LDLRAD4: variants seen among roughly 807,000 people sequenced by gnomAD.
The protein encoded by LDLRAD4 is low-density lipoprotein receptor class A domain-containing protein 4.
In LDLRAD4, 5 loss-of-function variants were observed where a neutral mutation model predicts 17.0. The ratio of observed to expected loss-of-function variants is 0.29; its 90% CI spans 0.15 to 0.62. The LOEUF is 0.62. LDLRAD4 is among the 20% of genes least tolerant of loss of function. The pLI is 0.84. For synonymous variants in LDLRAD4, 168 were observed against 171.8 expected, an observed-to-expected ratio of 0.98 and a Z score of 0.17; for missense variants, 340 against 424.7, an observed-to-expected ratio of 0.80 and a Z score of 1.75.
At chr18:13,559,530 ATATG>A (rs1430078621) in intron 3 of LDLRAD4, among the ~76,000 whole-genome samples, 1 of 152,246 alleles carries the variant, frequency 6.6e-6, no homozygotes, top group African/African-American at 2.4e-5. Context: ...TGTATCATAT[ATATG>A]TGTATGTATG....
At chr18:13,352,216 C>A (rs1313759628) in intron 1 of LDLRAD4, among the ~76,000 whole-genome samples, 1 of 152,186 alleles carries the variant, frequency 6.6e-6, no homozygotes, top group Non-Finnish European at 1.5e-5. Context: ...GACAAGGATA[C>A]CCTTTCTCAC....
At chr18:13,408,056 C>T (rs1421818430) in intron 2 of LDLRAD4, among the ~76,000 whole-genome samples, 6 of 152,148 alleles carry the variant, frequency 3.9e-5, no homozygotes, top group Admixed American at 2.6e-4. Context: ...GTTACAATTA[C>T]TGTCACCTTA....
At chr18:13,341,540 G>A (rs890928365) in intron 1 of LDLRAD4, among the ~76,000 whole-genome samples, 1 of 152,032 alleles carries the variant, frequency 6.6e-6, no homozygotes, top group Non-Finnish European at 1.5e-5. Flanking sequence ...CATTGTTAGT[G>A]TATGATAATG....
intron 2 of LDLRAD4, among the ~76,000 whole-genome samples, chr18:13,436,067 T>C (rs2090634051): frequency 6.6e-6 from 1 of 152,228 alleles, no homozygotes; most frequent in Non-Finnish European, 1.5e-5. Context: ...ATTCAACAAA[T>C]GTGTGATTCA....
chr18:13,530,062 GA>G (rs981069837), intron 3 of LDLRAD4, among the ~76,000 whole-genome samples: 6 of 151,580 alleles, frequency 4.0e-5, no homozygotes, highest in South Asian at 2.1e-4. Context: ...CAAGTTAAAG[GA>G]AAAAAAACAC....
Position 13,355,924 on chromosome 18 carries a change from T to A in LDLRAD4, c.-382-31417T>A, listed in dbSNP as rs920781211. Among the ~76,000 whole-genome samples, 3 of 152,234 alleles carry A rather than the reference T, an allele frequency of 2.0e-5. No individual in the cohort carries two copies. In the East Asian group the frequency reaches 5.8e-4, roughly 29 times the overall value. ...AGGATTAAGGCATGAGCCTCTATGC[T>A]TGGCCTCCAAGAGTCTTAAGTTGGA... On this transcript the variant is annotated intron_variant, in intron 1 of 5. Transcript: ENST00000359446.
rs770812256 is a variant in LDLRAD4 at position 13,233,393 on chromosome 18, A to G, written c.-467+14405A>G. Reference sequence around the variant, plus strand: ...GGGGCCCACTGCTCAGAGCCCAGTAAGAGGCGGGACAGCTGTGTTTGGAAG... The same window carrying G: ...GGGGCCCACTGCTCAGAGCCCAGTAGGAGGCGGGACAGCTGTGTTTGGAAG... On this transcript the variant is annotated intron_variant, in intron 1 of 5. Coordinates refer to the LDLRAD4 transcript ENST00000399848. Among the ~76,000 whole-genome samples the G allele has an allele frequency of 7.4e-4, 112 of 152,170 alleles. 1 individual carries two copies. The highest frequency in any genetic ancestry group is 1.4e-3 in the Non-Finnish European group (96 of 68,020).
Position 13,538,644 on chromosome 18 carries a change from C to A in LDLRAD4, c.182-82473C>A, listed in dbSNP as rs146567048. On this transcript the variant is annotated intron_variant, in intron 3 of 5. Transcript: ENST00000359446. ...GGTTCAAGCGATTCTCCCACCTCAG[C>A]CTCCCCATTAGCTGGGACTACAGGT... 1.7e-3 allele frequency among the ~76,000 whole-genome samples: 258 copies of A among 152,188 alleles called. 1 individual carries two copies. The highest frequency in any genetic ancestry group is 5.9e-3 in the African/African-American group (245 of 41,526).
chr18:13,386,986 C>T (rs2085889715), intron 1 of LDLRAD4, among the ~76,000 whole-genome samples: 1 of 152,118 alleles, frequency 6.6e-6, no homozygotes, highest in African/African-American at 2.4e-5. Context: ...GATAGAATCA[C>T]TTTTAAAAAC....
intron 1 of LDLRAD4, among the ~76,000 whole-genome samples, chr18:13,377,964 A>G (rs907834985): frequency 1.3e-5 from 2 of 152,212 alleles, no homozygotes; most frequent in Non-Finnish European, 2.9e-5. Flanking sequence ...AAAGGAATAT[A>G]TATTCCTCAG....
chr18:13,570,316 C>T (rs1482740883), intron 3 of LDLRAD4, among the ~76,000 whole-genome samples: 2 of 152,160 alleles, frequency 1.3e-5, no homozygotes, highest in Admixed American at 6.5e-5. Context: ...CTACCTGGCT[C>T]GGGTCTCCGT....
chr18:13,615,952 G>A (rs1428697225), intron 3 of LDLRAD4: 1 of 152,152 alleles, frequency 6.6e-6, no homozygotes, highest in Non-Finnish European at 1.5e-5. Context: ...TAGCATCTTG[G>A]AAGCCCCAAA....
At chr18:13,510,339 G>A (rs2093757902) in intron 3 of LDLRAD4, among the ~76,000 whole-genome samples, 1 of 152,176 alleles carries the variant, frequency 6.6e-6, no homozygotes, top group Non-Finnish European at 1.5e-5. Flanking sequence ...CTTTCTGCAT[G>A]TCATGCAGCC....
In LDLRAD4 at chr18:13,252,054, G is replaced by A. The variant is rs201866385; in HGVS notation, c.-466-26051G>A. Among the ~76,000 whole-genome samples the A allele has an allele frequency of 7.9e-5, 12 of 152,336 alleles. No individual in the cohort carries two copies. In the East Asian group the frequency reaches 2.3e-3, roughly 29 times the overall value. Reference sequence around the variant, plus strand: ...TTGGAGGGGACTTGGGTCCTCCCAGGAGAAACAGTCTGCATTGGAATGTCT... The same window carrying A: ...TTGGAGGGGACTTGGGTCCTCCCAGAAGAAACAGTCTGCATTGGAATGTCT... On this transcript the variant is annotated intron_variant, in intron 1 of 5. Transcript: ENST00000399848.
chr18:13,549,742 T>TGG (rs2094411129), intron 3 of LDLRAD4, among the ~76,000 whole-genome samples: 1 of 152,072 alleles, frequency 6.6e-6, no homozygotes, highest in Admixed American at 6.5e-5. Flanking sequence ...CCTATGCAGC[T>TGG]GGGGCAGCCT....
At position 13,530,695 on chromosome 18, in the gene LDLRAD4, C is replaced by T. The variant is rs112301321; in HGVS notation, c.182-90422C>T. On this transcript the variant is annotated intron_variant, in intron 3 of 5. Coordinates refer to ENST00000359446, the Ensembl canonical transcript of LDLRAD4. Reference sequence around the variant, plus strand: ...ACGATAAAACATGGGTTCTTTGTTACAGCTTGGTGACGTGTGTGACATGCA... The same window carrying T: ...ACGATAAAACATGGGTTCTTTGTTATAGCTTGGTGACGTGTGTGACATGCA... Among the ~76,000 whole-genome samples the T allele has an allele frequency of 3.9e-5, 6 of 152,336 alleles. 1 individual carries two copies. Among genetic ancestry groups the T allele is most frequent in the African/African-American group, 1.4e-4 (6 of 41,576 alleles).
intron 1 of LDLRAD4, among the ~76,000 whole-genome samples, chr18:13,260,350 C>T (rs577627996): frequency 2.0e-5 from 3 of 152,302 alleles, no homozygotes; most frequent in South Asian, 2.1e-4. Flanking sequence ...GGCCTTTTGG[C>T]GGCCCTGTCA....
intron 1 of LDLRAD4, among the ~76,000 whole-genome samples, chr18:13,282,671 A>C (rs2045353979): frequency 1.3e-5 from 2 of 152,144 alleles, no homozygotes; most frequent in Non-Finnish European, 2.9e-5. Flanking sequence ...CTGCTTGCAC[A>C]TGCTGGCATT....
chr18:13,277,353 A>G (rs1040188949), upstream of LDLRAD4, among the ~76,000 whole-genome samples: 2 of 152,168 alleles, frequency 1.3e-5, no homozygotes, highest in Non-Finnish European at 2.9e-5. Context: ...AGCTTTGCTG[A>G]GTTCACCTGA....
Sources: allele counts gnomAD v4.1 joint callset (sites outside exome capture counted in the v4.1 genomes callset), GRCh38; gene constraint gnomAD v4.1.1; transcripts MANE v1.5; gene names NCBI Gene and HGNC (gene_info 2026-07-23, HGNC 2026-07-21).